EGFR: variants seen among roughly 807,000 people sequenced by gnomAD.
EGFR encodes the protein epidermal growth factor receptor, also known as avian erythroblastic leukemia viral (v-erb-b) oncogene homolog.
In EGFR, 58 loss-of-function variants were observed where a neutral mutation model predicts 143.0. That is an observed-to-expected ratio of 0.41 (90% confidence interval 0.33 to 0.50). The LOEUF is 0.50. Ranked by LOEUF, EGFR falls within the 20% of genes least tolerant of loss-of-function variation. EGFR has a pLI of 0.39. For synonymous variants in EGFR, 613 were observed against 594.4 expected (o/e 1.03, Z -0.45); for missense variants, 1,307 against 1,579.0 (o/e 0.83, Z 2.92).
chr7:55,168,437 C>T (rs2128949328), intron 15 of EGFR: 2 of 888,842 alleles, frequency 2.3e-6, no homozygotes, highest in Non-Finnish European at 3.8e-6. Flanking sequence ...AAATAGTTTG[C>T]CAAATATAGA....
chr7:55,076,486 G>C (rs1790137153), intron 1 of EGFR, among the ~76,000 whole-genome samples: 2 of 152,164 alleles, frequency 1.3e-5, no homozygotes, highest in South Asian at 2.1e-4. Flanking sequence ...CTGTGGCCTA[G>C]ACTTAGAAAC....
chr7:55,174,610 G>T (rs1786508074), intron 18 of EGFR, 112 bp from the exon 19 acceptor site: 1 of 935,762 alleles, frequency 1.1e-6, no homozygotes, highest in Non-Finnish European at 1.8e-6. Flanking sequence ...CACAGCCCCA[G>T]TGTCCCTCAC....
intron 11 of EGFR, among the ~76,000 whole-genome samples, chr7:55,159,700 C>G (rs1427608113): frequency 6.6e-6 from 1 of 152,148 alleles, no homozygotes; most frequent in African/African-American, 2.4e-5. Context: ...ATTTAACCTG[C>G]ACAGAATTTG....
At chr7:55,096,813 C>T (rs1167026111) in intron 1 of EGFR, among the ~76,000 whole-genome samples, 1 of 152,118 alleles carries the variant, frequency 6.6e-6, no homozygotes, top group African/African-American at 2.4e-5. Context: ...CGGTTTGTGC[C>T]CTTGCTGGAG....
chr7:55,066,809 C>T (rs1362955087), intron 1 of EGFR, among the ~76,000 whole-genome samples: 9 of 152,154 alleles, frequency 5.9e-5, no homozygotes, highest in Non-Finnish European at 1.2e-4. Context: ...CTGAGATAGA[C>T]GGGAACAAAG....
At chr7:55,200,558 T>C (rs2128970340) in intron 24 of EGFR, 145 bp downstream of exon 24, 2 of 823,812 alleles carry the variant, frequency 2.4e-6, no homozygotes, top group African/African-American at 1.7e-5. Context: ...CAAGCCTCAG[T>C]AAGGCGCAGG....
At chr7:55,190,854 G>A (rs1162947378) in intron 20 of EGFR, among the ~76,000 whole-genome samples, 1 of 152,204 alleles carries the variant, frequency 6.6e-6, no homozygotes, top group Non-Finnish European at 1.5e-5. Flanking sequence ...GCAGAGAGAT[G>A]CAGGCTGCCA....
intron 1 of EGFR, among the ~76,000 whole-genome samples, chr7:55,083,663 T>G (rs529391134): frequency 6.6e-6 from 1 of 152,254 alleles, no homozygotes; most frequent in Admixed American, 6.5e-5. Flanking sequence ...CTGCATCTAC[T>G]GAAGAAAGCG....
chr7:55,064,346 A>G (rs1393790018), intron 1 of EGFR, among the ~76,000 whole-genome samples: 1 of 152,212 alleles, frequency 6.6e-6, no homozygotes, highest in Non-Finnish European at 1.5e-5. Context: ...TTAATGGAGT[A>G]CTCATTGCAA....
chr7:55,082,304 C>G (rs897025550), intron 1 of EGFR, among the ~76,000 whole-genome samples: 6 of 152,194 alleles, frequency 3.9e-5, no homozygotes, highest in African/African-American at 1.4e-4. Context: ...ATGCACAATC[C>G]TACATGCCCC....
Position 55,191,840 on chromosome 7 carries a change from C to G in EGFR, c.2591C>G (p.Ala864Gly). Residue 864 changes from alanine to glycine, a missense_variant, in exon 21 of 28, where the codon GCG (alanine) becomes GGG (glycine). Transcript: ENST00000275493. ...TDFGLAKLLG[A>G]EEKEYHAEGG... ...TTTGGGCTGGCCAAACTGCTGGGTG[C>G]GGAAGAGAAAGAATACCATGCAGAA... is the stretch of plus-strand genomic sequence containing the variant. 6.2e-7 allele frequency: 1 copy of G among 1,613,974 alleles called. No individual in the cohort carries two copies. The highest frequency in any genetic ancestry group is 8.5e-7 in the Non-Finnish European group (1 of 1,180,014).
At chr7:55,204,310 G>A (rs2692455) in intron 27 of EGFR, among the ~76,000 whole-genome samples, 132,622 of 149,858 alleles carry the variant, frequency 0.88, 58,528 homozygotes, top group South Asian at 0.94. Flanking sequence ...ATGTACACAC[G>A]CCACACACAC....
At chr7:55,056,232 A>G (rs187409047) in intron 1 of EGFR, among the ~76,000 whole-genome samples, 144 of 152,286 alleles carry the variant, frequency 9.5e-4, no homozygotes, top group Non-Finnish European at 1.6e-3. Context: ...TTGAAGTAAA[A>G]TGGATAGTGA....
intron 20 of EGFR, among the ~76,000 whole-genome samples, chr7:55,188,091 C>T (rs892879277): frequency 6.6e-6 from 1 of 152,158 alleles, no homozygotes; most frequent in Admixed American, 6.5e-5. Context: ...AGATGATGAA[C>T]CTTAAGCCTC....
chr7:55,166,125 T>C (rs1785966328), intron 15 of EGFR, among the ~76,000 whole-genome samples: 1 of 152,026 alleles, frequency 6.6e-6, no homozygotes. Context: ...CACTCCAGCC[T>C]GAGCACCAAG....
chr7:55,033,565 G>A (rs1787387312), intron 1 of EGFR, among the ~76,000 whole-genome samples: 2 of 152,216 alleles, frequency 1.3e-5, no homozygotes, highest in Non-Finnish European at 1.5e-5. Flanking sequence ...TGTAGAGGCT[G>A]GAGCGTGCCC....
rs1186707576 is a variant in EGFR, at chr7:55,211,460, T to TGAAAGCAGTATTTGTACAAATG, written c.*5844_*5865dup. On this transcript the variant is annotated 3_prime_UTR_variant, in exon 28 of 28. Coordinates refer to ENST00000275493, the MANE Select transcript of EGFR (RefSeq NM_005228.5). ...TTTAACCTTGAAAGTTTTGCAATGATGAAAGCAGTATTTGTACAAATGAAA... is the reference window on the plus strand; with the variant it reads ...TTTAACCTTGAAAGTTTTGCAATGATGAAAGCAGTATTTGTACAAATGGAAAGCAGTATTTGTACAAATGAAA... 2 of 152,226 alleles carry TGAAAGCAGTATTTGTACAAATG rather than the reference T, an allele frequency of 1.3e-5. No homozygotes were observed. Among genetic ancestry groups the TGAAAGCAGTATTTGTACAAATG allele is most frequent in the African/African-American group, 2.4e-5 (1 of 41,450 alleles). 9.4% of individuals were successfully genotyped at this position (152,226 alleles called of 1,614,324 possible). A position where few individuals can be genotyped will look rare whatever the true frequency, so the allele number is the denominator to read the frequency against.
intron 1 of EGFR, among the ~76,000 whole-genome samples, chr7:55,060,495 A>C (rs1422502721): frequency 2.0e-5 from 3 of 152,154 alleles, no homozygotes; most frequent in Non-Finnish European, 2.9e-5. Flanking sequence ...CAAACATCTT[A>C]AGTTGATTTT....
rs567477136 is a variant in EGFR, at chr7:55,181,329, G to A, written c.2320G>A (p.Val774Met). 8 of 1,614,156 alleles carry A rather than the reference G, an allele frequency of 5.0e-6. No homozygotes were observed. Among genetic ancestry groups the A allele is most frequent in the Admixed American group, 1.7e-5 (1 of 60,028 alleles). Residue 774 changes from valine (V) to methionine (M), a missense_variant, in exon 20 of 28, where the codon GTG (valine) becomes ATG (methionine). Coordinates refer to ENST00000275493, the MANE Select transcript of EGFR (RefSeq NM_005228.5). ...YVMASVDNPH[V>M]CRLLGICLTS... ...GATGGCCAGCGTGGACAACCCCCACGTGTGCCGCCTGCTGGGCATCTGCCT... is the reference window on the plus strand; with the variant it reads ...GATGGCCAGCGTGGACAACCCCCACATGTGCCGCCTGCTGGGCATCTGCCT...
Sources: gnomAD v4.1 joint callset for allele counts (sites outside exome capture counted in the v4.1 genomes callset) on GRCh38, gnomAD v4.1.1 for gene constraint, MANE v1.5 for transcripts, NCBI Gene and HGNC (gene_info 2026-07-23, HGNC 2026-07-21) for gene names.